HPSE2: variants seen among roughly 807,000 people sequenced by gnomAD.
HPSE2 encodes the protein inactive heparanase-2.
HPSE2 carries 38 observed loss-of-function variants against 60.5 expected under a neutral mutation model. The ratio of observed to expected loss-of-function variants is 0.63; its 90% confidence interval spans 0.48 to 0.82. The LOEUF (loss-of-function observed/expected upper bound fraction) is 0.82. Ranked by LOEUF, HPSE2 falls within the 40% of genes least tolerant of loss-of-function variation. The pLI is 0.00. For missense variants in HPSE2, 713 were observed against 740.4 expected (o/e 0.96, Z 0.43); for synonymous variants, 295 against 293.2 (o/e 1.01, Z -0.06).
intron 3 of HPSE2, among the ~76,000 whole-genome samples, chr10:98,854,415 A>G (rs1039961295): frequency 2.6e-5 from 4 of 152,146 alleles, no homozygotes; most frequent in Non-Finnish European, 5.9e-5. Context: ...ATTAGCTGTA[A>G]CAGGTCAGCA....
intron 4 of HPSE2, among the ~76,000 whole-genome samples, chr10:98,723,501 C>T (rs1014155569): frequency 1.3e-5 from 2 of 152,152 alleles, no homozygotes; most frequent in Admixed American, 6.6e-5. Flanking sequence ...GGAGGATTCC[C>T]TCTTTTTCTA....
At chr10:99,048,253 TA>T in intron 3 of HPSE2, 1 of 536,932 alleles carries the variant, frequency 1.9e-6, no homozygotes. Flanking sequence ...AAGAAGCAAA[TA>T]ACTTCCTGTG....
chr10:99,033,266 G>A (rs1298779837), intron 3 of HPSE2, among the ~76,000 whole-genome samples: 4 of 152,016 alleles, frequency 2.6e-5, no homozygotes, highest in Admixed American at 2.0e-4. Flanking sequence ...CTTTTGGGGG[G>A]AGATTATTTG....
intron 3 of HPSE2, among the ~76,000 whole-genome samples, chr10:98,954,742 C>A (rs549133424): frequency 1.5e-4 from 23 of 151,996 alleles, no homozygotes; most frequent in African/African-American, 5.1e-4. Context: ...TGATTTGAGG[C>A]AACAGTCATA....
intron 3 of HPSE2, among the ~76,000 whole-genome samples, chr10:98,777,707 T>C (rs1468582103): frequency 1.3e-5 from 2 of 152,176 alleles, no homozygotes; most frequent in Non-Finnish European, 2.9e-5. Context: ...AAAATTCTTA[T>C]TGCATTTAGA....
At chr10:98,964,981 A>G (rs1383166917) in intron 3 of HPSE2, among the ~76,000 whole-genome samples, 1 of 152,114 alleles carries the variant, frequency 6.6e-6, no homozygotes. Flanking sequence ...CTTAATATTC[A>G]TAACTTGATT....
chr10:99,279,338 A>C, the HPSE2 span, among the ~76,000 whole-genome samples: 1 of 152,300 alleles, frequency 6.6e-6, no homozygotes, highest in South Asian at 2.1e-4. Context: ...TTGGACCAAG[A>C]ACATCCACTC....
At chr10:98,975,895 A>G (rs531587087) in intron 3 of HPSE2, among the ~76,000 whole-genome samples, 1 of 152,312 alleles carries the variant, frequency 6.6e-6, no homozygotes, top group South Asian at 2.1e-4. Context: ...AAAGAATCTT[A>G]TAATTAATTC....
At chr10:99,196,032 G>A (rs569288745) in intron 2 of HPSE2, among the ~76,000 whole-genome samples, 1 of 151,960 alleles carries the variant, frequency 6.6e-6, no homozygotes, top group South Asian at 2.1e-4. Flanking sequence ...GGACAGAATA[G>A]AGAACCCAGA....
chr10:98,726,792 A>C (rs957538223), intron 4 of HPSE2, among the ~76,000 whole-genome samples: 1 of 152,048 alleles, frequency 6.6e-6, no homozygotes, highest in African/African-American at 2.4e-5. Context: ...AGAAGTGTGG[A>C]TAGTAGGAGG....
At chr10:98,851,286 G>A (rs917353631) in intron 3 of HPSE2, among the ~76,000 whole-genome samples, 1 of 152,202 alleles carries the variant, frequency 6.6e-6, no homozygotes, top group African/African-American at 2.4e-5. Flanking sequence ...CAGAGAGGGG[G>A]CCTCTGAATT....
Position 99,216,958 on chromosome 10 carries a change from C to T in HPSE2, c.448+15390G>A, listed in dbSNP as rs148393464. Among the ~76,000 whole-genome samples the T allele has an allele frequency of 2.7e-3, 411 of 152,236 alleles. 1 individual carries two copies. Among genetic ancestry groups the T allele is most frequent in the Non-Finnish European group, 3.6e-3 (247 of 68,016 alleles). ...AAGTAAAGTTTTACTAGTTTCACCA[C>T]AGTCTTGAAGTTCCAAGCATTCTCA... is the stretch of plus-strand genomic sequence containing the variant. On this transcript the variant is annotated intron_variant, in intron 2 of 11. Coordinates refer to ENST00000370552, the MANE Select transcript of HPSE2 (RefSeq NM_021828.5).
intron 3 of HPSE2, among the ~76,000 whole-genome samples, chr10:98,880,840 T>C (rs1000508372): frequency 2.0e-5 from 3 of 152,032 alleles, no homozygotes; most frequent in African/African-American, 7.2e-5. Context: ...AAAATCAATA[T>C]GAATAAAAGC....
At chr10:98,850,793 A>G (rs936728373) in intron 3 of HPSE2, among the ~76,000 whole-genome samples, 1 of 152,070 alleles carries the variant, frequency 6.6e-6, no homozygotes, top group African/African-American at 2.4e-5. Context: ...ATACCCCTGC[A>G]AAGTGGATAT....
At chr10:99,290,175 G>A in the HPSE2 span, among the ~76,000 whole-genome samples, 5 of 152,246 alleles carry the variant, frequency 3.3e-5, no homozygotes, top group Middle Eastern at 3.4e-3. Context: ...AAAGAGAGTA[G>A]GGGGCAGGGA....
intron 3 of HPSE2, among the ~76,000 whole-genome samples, chr10:98,963,828 T>A (rs760670748): frequency 2.0e-5 from 3 of 152,102 alleles, no homozygotes; most frequent in Non-Finnish European, 2.9e-5. Context: ...AATCATGACA[T>A]GGCTGTGTGG....
chr10:99,100,368 G>T (rs529680455), intron 3 of HPSE2, among the ~76,000 whole-genome samples: 7 of 152,120 alleles, frequency 4.6e-5, no homozygotes, highest in African/African-American at 1.7e-4. Context: ...TACCCAACTC[G>T]ATCAACTGGA....
intron 3 of HPSE2, among the ~76,000 whole-genome samples, chr10:98,758,506 C>T (rs1170542215): frequency 6.6e-6 from 1 of 151,946 alleles, no homozygotes; most frequent in African/African-American, 2.4e-5. Flanking sequence ...AACAATCCCA[C>T]TAAAAATTGG....
chr10:99,285,852 G>A, the HPSE2 span, among the ~76,000 whole-genome samples: 1 of 151,974 alleles, frequency 6.6e-6, no homozygotes, highest in Admixed American at 6.5e-5. Context: ...GTGAACCCAG[G>A]AGGCAGAGGT....
Sources: allele counts gnomAD v4.1 joint callset (sites outside exome capture counted in the v4.1 genomes callset), GRCh38; gene constraint gnomAD v4.1.1; transcripts MANE v1.5; gene names NCBI Gene and HGNC (gene_info 2026-07-23, HGNC 2026-07-21).